The following SEMA5A variants were observed in gnomAD, a reference collection of about 807,000 sequenced individuals.
The protein encoded by SEMA5A is semaphorin-5A.
SEMA5A carries 55 observed loss-of-function variants against 135.5 expected under a neutral mutation model. The observed-to-expected ratio is 0.41, with a 90% CI of 0.33 to 0.51. The LOEUF (loss-of-function observed/expected upper bound fraction) is 0.51. Ranked by LOEUF, SEMA5A falls within the 20% of genes least tolerant of loss-of-function variation. The pLI, the probability that SEMA5A is intolerant of heterozygous loss-of-function variation, is 0.37. For missense variants in SEMA5A, 1,290 were observed against 1,419.9 expected (o/e 0.91, Z 1.47); for synonymous variants, 580 against 546.5 (o/e 1.06, Z -0.85).
intron 10 of SEMA5A, among the ~76,000 whole-genome samples, chr5:9,192,303 A>G (rs1178864824): frequency 6.6e-6 from 1 of 152,226 alleles, no homozygotes; most frequent in Non-Finnish European, 1.5e-5. Flanking sequence ...GAAAATAGTT[A>G]CCCTGCTCAT....
At position 9,188,197 on chromosome 5, in the gene SEMA5A, A is replaced by G. The variant is rs544507073; in HGVS notation, c.1273+2070T>C. Among the ~76,000 whole-genome samples, 4 of 152,326 alleles carry G rather than the reference A, an allele frequency of 2.6e-5. No individual in the cohort carries two copies. The South Asian group carries it at 8.3e-4, about 32-fold the overall frequency. The stretch of plus-strand genomic sequence containing the variant: ...TCTCTCTTCATTCTGTGAGGACACA[A>G]CTAGCAGGCAGCCATCTGCAAACCT... On this transcript the variant is annotated intron_variant, in intron 11 of 22. Coordinates refer to ENST00000382496, the MANE Select transcript of SEMA5A (RefSeq NM_003966.3).
chr5:9,211,409 T>C (rs1746339000), intron 8 of SEMA5A, among the ~76,000 whole-genome samples: 1 of 152,198 alleles, frequency 6.6e-6, no homozygotes, highest in African/African-American at 2.4e-5. Flanking sequence ...GTTTTGCTTG[T>C]TCTCTGACCT....
At chr5:9,302,636 G>A in intron 5 of SEMA5A, among the ~76,000 whole-genome samples, 1 of 152,178 alleles carries the variant, frequency 6.6e-6, no homozygotes, top group East Asian at 1.9e-4. Flanking sequence ...CAGAGCACAA[G>A]CACCTAAGAT....
At chr5:9,336,454 A>G (rs1753395780) in intron 4 of SEMA5A, among the ~76,000 whole-genome samples, 1 of 152,206 alleles carries the variant, frequency 6.6e-6, no homozygotes, top group Non-Finnish European at 1.5e-5. Context: ...ACTGCAAAAC[A>G]CAGGCCGAAC....
At chr5:9,474,454 A>G (rs1451120041) in intron 1 of SEMA5A, among the ~76,000 whole-genome samples, 2 of 151,712 alleles carry the variant, frequency 1.3e-5, no homozygotes, top group East Asian at 3.9e-4. Flanking sequence ...AAAAAGACGC[A>G]AGAGTAAATA....
intron 5 of SEMA5A, among the ~76,000 whole-genome samples, chr5:9,269,881 C>A (rs1053921079): frequency 6.6e-6 from 1 of 152,052 alleles, no homozygotes; most frequent in African/African-American, 2.4e-5. Flanking sequence ...ATCCAGTCCC[C>A]TTTTTACAGC....
intron 5 of SEMA5A, chr5:9,265,503 T>G: frequency 6.6e-6 from 3 of 456,414 alleles, no homozygotes; most frequent in Non-Finnish European, 1.3e-5. Context: ...GGGACTCCCA[T>G]GTGGCTTTGT....
In SEMA5A at chr5:9,545,431, G is replaced by C. The variant is rs1484321768; in HGVS notation, c.-175+153C>G. The stretch of plus-strand genomic sequence containing the variant: ...TCCTAATCCTGTACGCGCAACCCCC[G>C]CCCAGGTGCCTGCTGATGGATCCCA... On this transcript the variant is annotated intron_variant, in intron 1 of 22. Transcript: ENST00000382496. This position sits in a 1 kb window ranked among gnomAD's most constrained non-coding sequence, Gnocchi z 4.5. Among the ~76,000 whole-genome samples the C allele has an allele frequency of 6.6e-6, 1 of 152,008 alleles. No homozygotes were observed. The highest frequency in any genetic ancestry group is 1.9e-4 in the East Asian group (1 of 5,154).
At chr5:9,503,280 C>T (rs1561303394) in intron 1 of SEMA5A, among the ~76,000 whole-genome samples, 1 of 152,176 alleles carries the variant, frequency 6.6e-6, no homozygotes, top group Non-Finnish European at 1.5e-5. Context: ...CAGACCATGA[C>T]CTAAGGCAGA....
chr5:9,419,238 G>A (rs1579509933), intron 2 of SEMA5A, among the ~76,000 whole-genome samples: 1 of 152,066 alleles, frequency 6.6e-6, no homozygotes, highest in South Asian at 2.1e-4. Context: ...AGTGTCCTTG[G>A]TATGATTTCC....
chr5:9,527,958 G>A (rs1158426686), intron 1 of SEMA5A, among the ~76,000 whole-genome samples: 1 of 152,076 alleles, frequency 6.6e-6, no homozygotes, highest in Non-Finnish European at 1.5e-5. Context: ...CTTCTTCATA[G>A]AATAAAAATA....
rs566419499 is a variant in SEMA5A at position 9,380,311 on chromosome 5, G to A, written c.-77-288C>T. On this transcript the variant is annotated intron_variant, in intron 2 of 22. Transcript: ENST00000382496. The stretch of plus-strand genomic sequence containing the variant: ...ATGCTCAAGCTTAAGCTGTACTGTC[G>A]TCACACTCACTCCTAAGGAATGCAG... 57 of 192,938 alleles carry A rather than the reference G, an allele frequency of 3.0e-4. 1 individual carries two copies. The South Asian group carries it at 4.2e-3, about 14-fold the overall frequency. 12.0% of individuals were successfully genotyped at this position (192,938 alleles called of 1,614,324 possible).
chr5:9,093,380 T>C (rs781457949), intron 16 of SEMA5A, among the ~76,000 whole-genome samples: 20 of 152,320 alleles, frequency 1.3e-4, no homozygotes, highest in South Asian at 2.1e-4. Flanking sequence ...AGAAAGTTGG[T>C]ACAGGTCTAA....
rs1157051358 is a variant in SEMA5A at position 9,543,784 on chromosome 5, C to T, written c.-175+1800G>A. ...CAAGAAAGAAACTCAAGGGAAAAAACATCTGTGTTTCAAGTGAACCAAACA... is the reference window on the plus strand; with the variant it reads ...CAAGAAAGAAACTCAAGGGAAAAAATATCTGTGTTTCAAGTGAACCAAACA... On this transcript the variant is annotated intron_variant, in intron 1 of 22. Transcript: ENST00000382496. 2.7e-5 allele frequency among the ~76,000 whole-genome samples: 4 copies of T among 148,370 alleles called. No homozygotes were observed. The East Asian group carries it at 7.9e-4, about 29-fold the overall frequency.
rs560370338 is a variant in SEMA5A, at chr5:9,324,674, T to C, written c.225-6257A>G. Among the ~76,000 whole-genome samples the C allele has an allele frequency of 2.0e-5, 3 of 152,294 alleles. No individual in the cohort carries two copies. The South Asian group carries it at 6.2e-4, about 32-fold the overall frequency. ...AAAACCTTCTAAAGGGGATAAAAAA[T>C]TGATATTCCCAGGTGTTGGGCCACT... is the stretch of plus-strand genomic sequence containing the variant. On this transcript the variant is annotated intron_variant, in intron 4 of 22. Coordinates refer to ENST00000382496, the MANE Select transcript of SEMA5A (RefSeq NM_003966.3).
chr5:9,410,390 G>A (rs1413401304), intron 2 of SEMA5A, among the ~76,000 whole-genome samples: 1 of 152,036 alleles, frequency 6.6e-6, no homozygotes, highest in Non-Finnish European at 1.5e-5. Context: ...CCATTTTCCT[G>A]GGGCTGTTTT....
intron 18 of SEMA5A, among the ~76,000 whole-genome samples, chr5:9,061,682 C>G (rs1045700156): frequency 1.3e-5 from 2 of 152,084 alleles, no homozygotes; most frequent in Non-Finnish European, 2.9e-5. Context: ...AGCAAAAGCC[C>G]TGGGCGGGGG....
intron 2 of SEMA5A, among the ~76,000 whole-genome samples, chr5:9,419,570 G>A (rs1579510350): frequency 1.3e-5 from 2 of 152,306 alleles, no homozygotes; most frequent in South Asian, 4.1e-4. Context: ...TTTTAAACAT[G>A]CACACATCTG....
intron 1 of SEMA5A, among the ~76,000 whole-genome samples, chr5:9,470,189 G>A (rs1333801405): frequency 6.6e-6 from 1 of 152,156 alleles, no homozygotes; most frequent in Non-Finnish European, 1.5e-5. Context: ...TCCACAGGCT[G>A]GAAACTCTAT....
Sources: gnomAD v4.1 joint callset for allele counts (sites outside exome capture counted in the v4.1 genomes callset) on GRCh38, gnomAD v4.1.1 for gene constraint, Gnocchi (gnomAD v3.1) non-coding constraint, MANE v1.5 for transcripts, NCBI Gene and HGNC (gene_info 2026-07-23, HGNC 2026-07-21) for gene names.